Variants in DGKB observed in about 807,000 individuals in gnomAD.
DGKB encodes the protein diacylglycerol kinase beta.
A neutral mutation model predicts 114.3 loss-of-function variants in DGKB; 67 were observed. The ratio of observed to expected loss-of-function variants is 0.59; its 90% confidence interval spans 0.48 to 0.72. The LOEUF (loss-of-function observed/expected upper bound fraction) is 0.72, where lower values mean the gene tolerates loss of function less well. Ranked by LOEUF, DGKB falls within the 30% of genes least tolerant of loss-of-function variation. The probability of loss-of-function intolerance (pLI) is 0.00; values close to 1 mark genes in which losing one functional copy is unlikely to be tolerated. For synonymous variants in DGKB, 398 were observed against 323.1 expected (o/e 1.23, Z -2.49); for missense variants, 907 against 975.2 (o/e 0.93, Z 0.93).
At chr7:14,969,158 T>A (rs1787324266) in intron 1 of DGKB, among the ~76,000 whole-genome samples, 2 of 152,290 alleles carry the variant, frequency 1.3e-5, no homozygotes, top group South Asian at 4.1e-4. Context: ...GTCTGTCAGT[T>A]TTTCTTAAGA....
intron 20 of DGKB, among the ~76,000 whole-genome samples, chr7:14,514,754 C>A (rs1788508031): frequency 6.6e-6 from 1 of 152,064 alleles, no homozygotes; most frequent in East Asian, 1.9e-4. Context: ...CCATTAGTGT[C>A]CCATTTTAAA....
chr7:14,434,428 G>T (rs1828937445), intron 21 of DGKB, among the ~76,000 whole-genome samples: 1 of 152,120 alleles, frequency 6.6e-6, no homozygotes, highest in Admixed American at 6.6e-5. Flanking sequence ...AGGCAGAAGA[G>T]AATTAGAGAG....
chr7:14,898,973 A>C (rs1486078578), intron 1 of DGKB, among the ~76,000 whole-genome samples: 1 of 152,172 alleles, frequency 6.6e-6, no homozygotes. Context: ...TTGACTCAGA[A>C]TATCCTTAAA....
At chr7:14,964,616 G>A (rs75543175) in intron 1 of DGKB, among the ~76,000 whole-genome samples, 11 of 152,278 alleles carry the variant, frequency 7.2e-5, no homozygotes, top group East Asian at 5.8e-4. Flanking sequence ...GAGGGCACTA[G>A]AATTTAATCT....
chr7:14,524,874 C>G (rs1790393140), intron 20 of DGKB, among the ~76,000 whole-genome samples: 1 of 151,754 alleles, frequency 6.6e-6, no homozygotes, highest in Admixed American at 6.6e-5. Flanking sequence ...GGTCATATAT[C>G]ATGTATAATG....
chr7:14,442,344 T>C (rs1554437173), intron 21 of DGKB, among the ~76,000 whole-genome samples: 1 of 152,028 alleles, frequency 6.6e-6, no homozygotes, highest in Non-Finnish European at 1.5e-5. Flanking sequence ...GGTTTCTATA[T>C]TTTAATTCTT....
rs150065058 is a variant in DGKB at position 14,527,008 on chromosome 7, T to A, written c.1770+47204A>T. Among the ~76,000 whole-genome samples the A allele has an allele frequency of 8.4e-3, 1,282 of 152,292 alleles. 16 individuals are homozygous for A. The highest frequency in any genetic ancestry group is 8.4e-3 in the Non-Finnish European group (570 of 68,008). On this transcript the variant is annotated intron_variant, in intron 20 of 25. Transcript: ENST00000402815. Reference sequence around the variant, plus strand: ...ATTTAGCTTTCAGGAACCTCTATTTTATGCTAAATATCCTCAGCATTTATA... The same window carrying A: ...ATTTAGCTTTCAGGAACCTCTATTTAATGCTAAATATCCTCAGCATTTATA...
At chr7:14,548,991 G>C (rs1315014831) in intron 20 of DGKB, among the ~76,000 whole-genome samples, 2 of 151,314 alleles carry the variant, frequency 1.3e-5, no homozygotes, top group Non-Finnish European at 2.9e-5. Context: ...ATGAGGAGGA[G>C]TGAAATAACC....
At chr7:14,591,726 A>G (rs1801737459) in intron 17 of DGKB, among the ~76,000 whole-genome samples, 1 of 152,194 alleles carries the variant, frequency 6.6e-6, no homozygotes, top group South Asian at 2.1e-4. Flanking sequence ...CCACAACCAC[A>G]ACAAAAGAGC....
intron 21 of DGKB, among the ~76,000 whole-genome samples, chr7:14,350,138 T>G (rs182403381): frequency 6.6e-6 from 1 of 152,158 alleles, no homozygotes; most frequent in East Asian, 1.9e-4. Context: ...GGCTCCCATT[T>G]ACCTGGAATT....
At position 14,951,262 on chromosome 7, in the gene DGKB, G is replaced by T. The variant is rs559166556; in HGVS notation, c.-188+23434C>A. On this transcript the variant is annotated intron_variant, in intron 1 of 4. Transcript: ENST00000437998. ...TCACAGAAATGTTTCTGGCAGCTTT[G>T]TTCATAATTGCCAAAACTTAGCAGC... Among the ~76,000 whole-genome samples the T allele has an allele frequency of 3.3e-4, 50 of 152,074 alleles. No homozygotes were observed. The East Asian group carries it at 6.6e-3, about 20-fold the overall frequency.
chr7:14,214,868 A>G (rs897745043), intron 23 of DGKB, among the ~76,000 whole-genome samples: 8 of 152,148 alleles, frequency 5.3e-5, no homozygotes, highest in Non-Finnish European at 8.8e-5. Context: ...GAGAAGGCCA[A>G]TGCCTGCCTC....
At chr7:14,673,398 T>G (rs967026702) in intron 12 of DGKB, among the ~76,000 whole-genome samples, 1 of 103,750 alleles carries the variant, frequency 9.6e-6, no homozygotes, top group Non-Finnish European at 2.0e-5. Flanking sequence ...TGCCTGTGTA[T>G]GCTTTTTTTT....
chr7:14,295,767 A>G (rs1201898904), intron 23 of DGKB, among the ~76,000 whole-genome samples: 1 of 152,058 alleles, frequency 6.6e-6, no homozygotes, highest in African/African-American at 2.4e-5. Context: ...CAGGTTTGCT[A>G]CATAGGTATA....
At chr7:14,208,839 G>C (rs1418215137) in intron 23 of DGKB, among the ~76,000 whole-genome samples, 1 of 150,384 alleles carries the variant, frequency 6.6e-6, no homozygotes, top group East Asian at 2.0e-4. Context: ...TCCAAGAGTT[G>C]TTAGAAATAA....
intron 21 of DGKB, among the ~76,000 whole-genome samples, chr7:14,370,020 C>T (rs1355869261): frequency 1.3e-5 from 2 of 152,150 alleles, no homozygotes; most frequent in Non-Finnish European, 2.9e-5. Flanking sequence ...AAGGCTTTGT[C>T]CATGCCTATG....
intron 20 of DGKB, among the ~76,000 whole-genome samples, chr7:14,554,288 G>C (rs980004682): frequency 6.6e-6 from 1 of 152,058 alleles, no homozygotes; most frequent in Admixed American, 6.5e-5. Flanking sequence ...TAAAAGTCCC[G>C]AACAACTCCT....
chr7:14,830,765 C>T (rs182204385), intron 2 of DGKB, among the ~76,000 whole-genome samples: 1 of 152,156 alleles, frequency 6.6e-6, no homozygotes, highest in African/African-American at 2.4e-5. Context: ...GTTTTCAAGG[C>T]ATTTTACAAA....
intron 1 of DGKB, among the ~76,000 whole-genome samples, chr7:14,970,777 A>G (rs1489126856): frequency 2.6e-5 from 4 of 152,128 alleles, no homozygotes; most frequent in Non-Finnish European, 5.9e-5. Flanking sequence ...AGCTGGGAAT[A>G]CACTGCGTAG....
Sources: allele counts gnomAD v4.1 joint callset (sites outside exome capture counted in the v4.1 genomes callset), GRCh38; gene constraint gnomAD v4.1.1; transcripts MANE v1.5; gene names NCBI Gene and HGNC (gene_info 2026-07-23, HGNC 2026-07-21).